The following QTMAN variants were observed in gnomAD, a reference collection of about 807,000 sequenced individuals.
The protein encoded by QTMAN is tRNA-queuosine alpha-mannosyltransferase.
At chr2:144,222,243 T>C in the QTMAN span, among the ~76,000 whole-genome samples, 1 of 151,164 alleles carries the variant, frequency 6.6e-6, no homozygotes, top group African/African-American at 2.4e-5. Context: ...GTATTTTTAG[T>C]AGAGACGAGG....
the QTMAN span, among the ~76,000 whole-genome samples, chr2:143,966,507 A>G: frequency 5.9e-5 from 9 of 152,204 alleles, no homozygotes; most frequent in African/African-American, 1.4e-4. Context: ...TTTTAAAAAC[A>G]TTTATTGAAA....
the QTMAN span, among the ~76,000 whole-genome samples, chr2:144,258,492 T>C: frequency 6.6e-6 from 1 of 152,188 alleles, no homozygotes; most frequent in East Asian, 1.9e-4. Flanking sequence ...TTACCATCAG[T>C]CACCATTATC....
chr2:144,329,591 C>T, the QTMAN span, among the ~76,000 whole-genome samples: 1 of 152,190 alleles, frequency 6.6e-6, no homozygotes, highest in East Asian at 1.9e-4. Flanking sequence ...TTTTAGCTCA[C>T]CTAAGGTGTT....
At chr2:143,984,243 T>C in the QTMAN span, among the ~76,000 whole-genome samples, 7 of 152,188 alleles carry the variant, frequency 4.6e-5, no homozygotes, top group East Asian at 1.4e-3. Context: ...AAACTAGAAA[T>C]AGAAGTACAA....
chr2:144,114,806 G>A, the QTMAN span, among the ~76,000 whole-genome samples: 1 of 152,182 alleles, frequency 6.6e-6, no homozygotes, highest in Non-Finnish European at 1.5e-5. Context: ...GCTTAGATGA[G>A]CAACTAGAAG....
At chr2:144,035,842 G>A in the QTMAN span, among the ~76,000 whole-genome samples, 19 of 152,242 alleles carry the variant, frequency 1.2e-4, no homozygotes, top group South Asian at 1.0e-3. Context: ...GAAAATTCAG[G>A]TCCTTTCCTA....
the QTMAN span, among the ~76,000 whole-genome samples, chr2:143,989,541 TGGA>T: frequency 6.6e-6 from 1 of 151,986 alleles, no homozygotes; most frequent in African/African-American, 2.4e-5. Flanking sequence ...TAGGCAGACA[TGGA>T]GGAGGGACGG....
the QTMAN span, among the ~76,000 whole-genome samples, chr2:144,084,879 T>C: frequency 1.4e-4 from 21 of 152,228 alleles, no homozygotes; most frequent in Non-Finnish European, 1.9e-4. Flanking sequence ...AGCAAAACTT[T>C]AGTGTGCATT....
chr2:144,127,753 A>C, the QTMAN span, among the ~76,000 whole-genome samples: 1 of 152,000 alleles, frequency 6.6e-6, no homozygotes, highest in Non-Finnish European at 1.5e-5. Flanking sequence ...CTAGGACTTA[A>C]TGTTAGAGAA....
At chr2:144,110,690 A>ACCC in the QTMAN span, among the ~76,000 whole-genome samples, 1,752 of 116,918 alleles carry the variant, frequency 0.015, 77 homozygotes, top group East Asian at 0.13. Flanking sequence ...CCCCCCCCCA[A>ACCC]AAAAAAAAAA....
At chr2:144,200,489 T>C in the QTMAN span, among the ~76,000 whole-genome samples, 1 of 152,272 alleles carries the variant, frequency 6.6e-6, no homozygotes, top group Admixed American at 6.5e-5. Context: ...GGGCCACACA[T>C]AAAATACACG....
chr2:144,015,230 C>G, the QTMAN span, among the ~76,000 whole-genome samples: 2 of 152,250 alleles, frequency 1.3e-5, no homozygotes, highest in Non-Finnish European at 2.9e-5. Flanking sequence ...GATCCCCACT[C>G]CCCCCTAAAA....
chr2:143,964,154 A>T, the QTMAN span: 156 of 152,300 alleles, frequency 1.0e-3, no homozygotes, highest in Middle Eastern at 3.4e-3. Context: ...GTAATTATAT[A>T]AACATTTTTG....
chr2:144,224,357 A>G, the QTMAN span, among the ~76,000 whole-genome samples: 1 of 152,208 alleles, frequency 6.6e-6, no homozygotes, highest in African/African-American at 2.4e-5. Flanking sequence ...CATTCATTCA[A>G]CAAATACTTA....
At chr2:144,026,762 T>C in the QTMAN span, among the ~76,000 whole-genome samples, 5 of 152,190 alleles carry the variant, frequency 3.3e-5, no homozygotes, top group African/African-American at 1.2e-4. Flanking sequence ...AGCTAATTTA[T>C]GTAAAGCACT....
the QTMAN span, among the ~76,000 whole-genome samples, chr2:144,060,779 A>G: frequency 2.0e-5 from 3 of 152,218 alleles, no homozygotes; most frequent in Non-Finnish European, 4.4e-5. Context: ...AGCTTTCAAA[A>G]ATACTGACTC....
the QTMAN span, among the ~76,000 whole-genome samples, chr2:144,306,310 G>A: frequency 2.6e-5 from 4 of 152,172 alleles, no homozygotes; most frequent in African/African-American, 7.2e-5. Context: ...CCCTACTCCC[G>A]GGTTAGTCAG....
chr2:144,019,305 A>G, the QTMAN span, among the ~76,000 whole-genome samples: 2 of 152,196 alleles, frequency 1.3e-5, no homozygotes, highest in Non-Finnish European at 2.9e-5. Context: ...TAGGCATACA[A>G]GGATAAAATG....
the QTMAN span, among the ~76,000 whole-genome samples, chr2:144,133,471 T>TATATAATATATATTATATATATTATA: frequency 3.0e-5 from 2 of 65,952 alleles, no homozygotes; most frequent in African/African-American, 1.2e-4. Context: ...ATATTATATA[T>TATATAATATATATTATATATATTATA]TATATAATAT....
Sources: allele counts gnomAD v4.1 joint callset (sites outside exome capture counted in the v4.1 genomes callset), GRCh38; gene constraint gnomAD v4.1.1; transcripts MANE v1.5; gene names NCBI Gene and HGNC (gene_info 2026-07-23, HGNC 2026-07-21).